The following ABI2 variants were observed in gnomAD, a reference collection of about 807,000 sequenced individuals.
ABI2 encodes abl interactor 2.
ABI2 carries 25 observed loss-of-function variants against 59.2 expected under a neutral mutation model. The ratio of observed to expected loss-of-function variants is 0.42; its 90% CI spans 0.31 to 0.59. The LOEUF is 0.59. Among genes scored for constraint, ABI2 ranks in the 20% least tolerant of loss-of-function variants. The pLI, the probability that ABI2 is intolerant of heterozygous loss-of-function variation, is 0.14. For missense variants in ABI2, 545 were observed against 681.8 expected (o/e 0.80, Z 2.23); for synonymous variants, 213 against 235.5 (o/e 0.90, Z 0.87).
chr2:203,342,551 C>CA (rs1559163216), intron 1 of ABI2, among the ~76,000 whole-genome samples: 4 of 88,880 alleles, frequency 4.5e-5, no homozygotes, highest in South Asian at 5.1e-4. Flanking sequence ...CCCTCAAAAC[C>CA]TTTTATTTAT....
rs987852574 is a variant in ABI2, at chr2:203,424,044, G to C, written c.1454-3133G>C. ...TAGCATTTTAAGTTTTTTCTTACAT[G>C]TGCTTTATCAGTTCCCCATATGATT... On this transcript the variant is annotated intron_variant, in intron 11 of 11. Coordinates refer to ENST00000261018, the MANE Select transcript of ABI2 (RefSeq NM_001375670.1). Among the ~76,000 whole-genome samples, 141 of 152,110 alleles carry C rather than the reference G, an allele frequency of 9.3e-4. 1 individual carries two copies. The highest frequency in any genetic ancestry group is 1.6e-3 in the Admixed American group (25 of 15,276).
At chr2:203,361,113 C>T (rs1377262677) in intron 1 of ABI2, among the ~76,000 whole-genome samples, 1 of 152,122 alleles carries the variant, frequency 6.6e-6, no homozygotes, top group Non-Finnish European at 1.5e-5. Flanking sequence ...CACAGCAATC[C>T]TTGCTTGAAA....
intron 1 of ABI2, among the ~76,000 whole-genome samples, chr2:203,350,614 A>C (rs2087356150): frequency 6.7e-6 from 1 of 148,406 alleles, no homozygotes; most frequent in South Asian, 2.1e-4. Flanking sequence ...ATCTCGGCTC[A>C]CTGCAATCTC....
chr2:203,412,626 A>G (rs1439418330), intron 10 of ABI2, among the ~76,000 whole-genome samples: 2 of 152,030 alleles, frequency 1.3e-5, no homozygotes, highest in Non-Finnish European at 2.9e-5. Flanking sequence ...GGTTGATTTC[A>G]TATGTTTTAA....
In ABI2 at chr2:203,430,808, T is replaced by C. The variant is rs2098477748; in HGVS notation, c.*3456T>C. 6.6e-6 allele frequency: 1 copy of C among 152,246 alleles called. No individual in the cohort carries two copies. The highest frequency in any genetic ancestry group is 1.5e-5 in the Non-Finnish European group (1 of 68,050). 9.4% of individuals were successfully genotyped at this position (152,246 alleles called of 1,614,324 possible). A position where few individuals can be genotyped will look rare whatever the true frequency, so the allele number is the denominator to read the frequency against. On this transcript the variant is annotated 3_prime_UTR_variant, in exon 12 of 12. Transcript: ENST00000261018. The stretch of plus-strand genomic sequence containing the variant: ...AATATTTTATGCATATTTACCGTGA[T>C]GTCTGGACCGTACCTGTGCTCCTTG...
chr2:203,352,940 A>G (rs1438868749), intron 1 of ABI2, among the ~76,000 whole-genome samples: 4 of 152,226 alleles, frequency 2.6e-5, no homozygotes, highest in East Asian at 1.9e-4. Context: ...AAAACTCTCT[A>G]TAGTATTCCA....
chr2:203,361,428 G>A (rs564315663), intron 1 of ABI2, among the ~76,000 whole-genome samples: 9 of 152,322 alleles, frequency 5.9e-5, no homozygotes, highest in African/African-American at 2.2e-4. Flanking sequence ...GAGCCCAGGA[G>A]TTGGAGTCTA....
At chr2:203,357,177 A>G (rs1469718697) in intron 1 of ABI2, among the ~76,000 whole-genome samples, 1 of 152,206 alleles carries the variant, frequency 6.6e-6, no homozygotes, top group African/African-American at 2.4e-5. Context: ...GTCTAAAATG[A>G]CCAACTTCCA....
At position 203,390,447 on chromosome 2, in the gene ABI2, C is replaced by T. The variant is rs139519348; in HGVS notation, c.481-599C>T. Reference sequence around the variant, plus strand: ...AGGAGTTTGAGATCAGCCTGGGCAACACGGTGAAACCCTGTCTCTACTAAA... The same window carrying T: ...AGGAGTTTGAGATCAGCCTGGGCAATACGGTGAAACCCTGTCTCTACTAAA... On this transcript the variant is annotated intron_variant, in intron 4 of 11. Coordinates refer to ENST00000261018, the MANE Select transcript of ABI2 (RefSeq NM_001375670.1). 3.4e-3 allele frequency among the ~76,000 whole-genome samples: 525 copies of T among 152,188 alleles called. 4 individuals are homozygous for T. Among genetic ancestry groups the T allele is most frequent in the African/African-American group, 0.012 (508 of 41,526 alleles).
intron 10 of ABI2, among the ~76,000 whole-genome samples, chr2:203,415,616 C>CAA (rs71007515): frequency 0.03 from 1,256 of 42,170 alleles, 89 homozygotes; most frequent in Non-Finnish European, 0.047. Flanking sequence ...GACTCCGTCT[C>CAA]AAAAAAAAAA....
intron 2 of ABI2, among the ~76,000 whole-genome samples, chr2:203,373,351 C>T (rs1383938045): frequency 6.6e-6 from 1 of 152,206 alleles, no homozygotes; most frequent in African/African-American, 2.4e-5. Context: ...TAATCGCAGG[C>T]ACTCGGCAGG....
chr2:203,408,880 G>A (rs1003995608), intron 9 of ABI2, among the ~76,000 whole-genome samples: 13 of 109,270 alleles, frequency 1.2e-4, no homozygotes, highest in African/African-American at 3.9e-4. Flanking sequence ...CGCCCAGGTC[G>A]GACTGCGGAC....
At chr2:203,373,456 A>G (rs2095449298) in intron 2 of ABI2, among the ~76,000 whole-genome samples, 1 of 151,996 alleles carries the variant, frequency 6.6e-6, no homozygotes, top group Admixed American at 6.5e-5. Flanking sequence ...GACCGTGGAA[A>G]GAGAGGGAGA....
At chr2:203,402,280 C>T (rs2097256565) in intron 8 of ABI2, among the ~76,000 whole-genome samples, 1 of 152,172 alleles carries the variant, frequency 6.6e-6, no homozygotes, top group Non-Finnish European at 1.5e-5. Flanking sequence ...AGTGATCTGC[C>T]TGCCTTGGCC....
chr2:203,384,321 T>G (rs1274401385), intron 4 of ABI2, among the ~76,000 whole-genome samples: 3 of 140,178 alleles, frequency 2.1e-5, no homozygotes. Context: ...TTTTTTTTTT[T>G]TTTGAGACAG....
intron 11 of ABI2, among the ~76,000 whole-genome samples, chr2:203,419,728 G>A (rs1181076875): frequency 6.6e-6 from 1 of 151,776 alleles, no homozygotes; most frequent in Non-Finnish European, 1.5e-5. Context: ...AATGCTTTGG[G>A]CTGTAATCCC....
At chr2:203,394,475 T>C (rs1243024949) in intron 5 of ABI2, 1 of 506,792 alleles carries the variant, frequency 2.0e-6, no homozygotes, top group Non-Finnish European at 3.5e-6. Context: ...CAAAATTGCA[T>C]TAGCACAGGG....
chr2:203,372,282 A>T (rs2095288305), intron 2 of ABI2, among the ~76,000 whole-genome samples: 1 of 152,024 alleles, frequency 6.6e-6, no homozygotes, highest in Non-Finnish European at 1.5e-5. Context: ...AGGCAGAAGA[A>T]TTTTTCTTGG....
intron 11 of ABI2, among the ~76,000 whole-genome samples, chr2:203,424,574 A>AT (rs2098358909): frequency 6.6e-6 from 1 of 151,042 alleles, no homozygotes; most frequent in South Asian, 2.1e-4. Flanking sequence ...TATTATTTTT[A>AT]TTTTTTTAGA....
Sources: gnomAD v4.1 joint callset for allele counts (sites outside exome capture counted in the v4.1 genomes callset) on GRCh38, gnomAD v4.1.1 for gene constraint, MANE v1.5 for transcripts, NCBI Gene and HGNC (gene_info 2026-07-23, HGNC 2026-07-21) for gene names.